The following SLC38A12 variants were observed in gnomAD, a reference collection of about 807,000 sequenced individuals.
SLC38A12 encodes the protein putative sodium-coupled neutral amino acid transporter 12.
At chr17:74,813,931 G>T in the SLC38A12 span, among the ~76,000 whole-genome samples, 1 of 151,996 alleles carries the variant, frequency 6.6e-6, no homozygotes, top group Non-Finnish European at 1.5e-5. Context: ...GCTGCAGTCC[G>T]CTCCGTCTCC....
chr17:74,833,267 G>A, the SLC38A12 span, among the ~76,000 whole-genome samples: 30 of 152,176 alleles, frequency 2.0e-4, no homozygotes, highest in African/African-American at 5.8e-4. Flanking sequence ...TGCCTGCCTC[G>A]GCCTCCCAAG....
At chr17:74,832,531 C>A in the SLC38A12 span, among the ~76,000 whole-genome samples, 1 of 152,388 alleles carries the variant, frequency 6.6e-6, no homozygotes, top group South Asian at 2.1e-4. Flanking sequence ...TGCTCCTCAC[C>A]ATGGCGGCCT....
the SLC38A12 span, among the ~76,000 whole-genome samples, chr17:74,789,255 T>TG: frequency 1.3e-5 from 2 of 151,726 alleles, no homozygotes; most frequent in Non-Finnish European, 2.9e-5. Context: ...CAGGGGCCGG[T>TG]GGGGGGGCTC....
At chr17:74,836,133 CT>C in the SLC38A12 span, 1 of 1,614,028 alleles carries the variant, frequency 6.2e-7, no homozygotes, top group African/African-American at 1.3e-5. This position sits in a 1 kb window ranked among gnomAD's most constrained non-coding sequence, Gnocchi z 4.2. Flanking sequence ...GGACTACGTG[CT>C]GATCCTGGCC....
chr17:74,829,677 C>T, the SLC38A12 span, among the ~76,000 whole-genome samples: 1 of 152,122 alleles, frequency 6.6e-6, no homozygotes, highest in Admixed American at 6.6e-5. This position sits in a 1 kb window ranked among gnomAD's most constrained non-coding sequence, Gnocchi z 4.1. Flanking sequence ...GCCTCAGCAT[C>T]GCATGCTCAT....
At chr17:74,817,986 A>G in the SLC38A12 span, among the ~76,000 whole-genome samples, 1 of 152,188 alleles carries the variant, frequency 6.6e-6, no homozygotes, top group Non-Finnish European at 1.5e-5. Flanking sequence ...CATTTGTGGC[A>G]GGTGGCTCTG....
the SLC38A12 span, among the ~76,000 whole-genome samples, chr17:74,802,685 C>T: frequency 6.6e-6 from 1 of 152,086 alleles, no homozygotes; most frequent in Non-Finnish European, 1.5e-5. Flanking sequence ...TTCAAAAATC[C>T]AAAATATTCC....
the SLC38A12 span, among the ~76,000 whole-genome samples, chr17:74,820,842 C>T: frequency 6.6e-6 from 1 of 152,198 alleles, no homozygotes; most frequent in Non-Finnish European, 1.5e-5. Flanking sequence ...TGCCAGGACT[C>T]AGCAGCGGGT....
At chr17:74,795,118 A>AC in the SLC38A12 span, 3 of 1,613,114 alleles carry the variant, frequency 1.9e-6, no homozygotes, top group Admixed American at 1.7e-5. Flanking sequence ...CCTGGTGAGT[A>AC]CCCTCCTGGC....
the SLC38A12 span, among the ~76,000 whole-genome samples, chr17:74,788,491 A>G: frequency 0.61 from 93,251 of 151,846 alleles, 28,991 homozygotes; most frequent in Non-Finnish European, 0.64. Flanking sequence ...GGGTGTGAGC[A>G]CGGCTTGTCC....
the SLC38A12 span, among the ~76,000 whole-genome samples, chr17:74,811,198 C>T: frequency 6.6e-6 from 1 of 152,136 alleles, no homozygotes; most frequent in Admixed American, 6.5e-5. Context: ...GGCGTGGTGG[C>T]ACACGCCTGT....
the SLC38A12 span, among the ~76,000 whole-genome samples, chr17:74,820,299 G>A: frequency 6.6e-6 from 1 of 152,216 alleles, no homozygotes; most frequent in African/African-American, 2.4e-5. Flanking sequence ...GCGGGCCATG[G>A]CAGCAGCCAC....
At chr17:74,806,641 G>A in the SLC38A12 span, among the ~76,000 whole-genome samples, 3 of 152,000 alleles carry the variant, frequency 2.0e-5, no homozygotes, top group African/African-American at 4.8e-5. Flanking sequence ...TCTTCCTGCC[G>A]TGGGGAAGAA....
At chr17:74,828,938 C>A in the SLC38A12 span, among the ~76,000 whole-genome samples, 9 of 152,232 alleles carry the variant, frequency 5.9e-5, no homozygotes, top group South Asian at 1.9e-3. Flanking sequence ...ACCCCCAGCA[C>A]AGGAAACCCC....
the SLC38A12 span, chr17:74,794,916 G>T: frequency 1.0e-6 from 1 of 987,128 alleles, no homozygotes; most frequent in East Asian, 2.4e-5. Context: ...GAAAGCTATG[G>T]GAGAGGTAGA....
At chr17:74,836,234 C>T in the SLC38A12 span, 96 of 1,611,518 alleles carry the variant, frequency 6.0e-5, no homozygotes, top group Middle Eastern at 3.3e-4. The surrounding 1 kb of genome is among the most constrained non-coding windows in gnomAD (Gnocchi z 4.2). Context: ...CGCGCTGTGA[C>T]GTCGTGGGCC....
At chr17:74,823,908 G>A in the SLC38A12 span, among the ~76,000 whole-genome samples, 6 of 152,274 alleles carry the variant, frequency 3.9e-5, no homozygotes, top group Non-Finnish European at 7.3e-5. Flanking sequence ...TTGTCTGTGC[G>A]GTGGCAGCGA....
At chr17:74,827,119 A>G in the SLC38A12 span, among the ~76,000 whole-genome samples, 3 of 151,890 alleles carry the variant, frequency 2.0e-5, no homozygotes, top group Non-Finnish European at 2.9e-5. This position sits in a 1 kb window ranked among gnomAD's most constrained non-coding sequence, Gnocchi z 4.7. Flanking sequence ...CTAGATGAGA[A>G]CTCAGCACTG....
At chr17:74,831,374 G>A in the SLC38A12 span, among the ~76,000 whole-genome samples, 1 of 152,210 alleles carries the variant, frequency 6.6e-6, no homozygotes, top group African/African-American at 2.4e-5. Context: ...GTCCATTGTT[G>A]TTGAATGAAG....
Sources: allele counts gnomAD v4.1 joint callset (sites outside exome capture counted in the v4.1 genomes callset), GRCh38; gene constraint gnomAD v4.1.1; non-coding constraint Gnocchi (gnomAD v3.1); transcripts MANE v1.5; gene names NCBI Gene and HGNC (gene_info 2026-07-23, HGNC 2026-07-21).